Variants in SMYD3 observed in about 807,000 individuals in gnomAD.
SMYD3 encodes histone-lysine N-methyltransferase SMYD3.
SMYD3 carries 36 observed loss-of-function variants against 57.7 expected under a neutral mutation model. The observed-to-expected ratio is 0.62, with a 90% CI of 0.48 to 0.82. SMYD3 has a LOEUF of 0.82. Ranked by LOEUF, SMYD3 falls within the 40% of genes least tolerant of loss-of-function variation. The pLI, the probability that SMYD3 is intolerant of heterozygous loss-of-function variation, is 0.00. For synonymous variants in SMYD3, 211 were observed against 195.0 expected (o/e 1.08, Z -0.68); for missense variants, 515 against 538.8 (o/e 0.96, Z 0.44).
At chr1:246,362,466 C>T (rs1301787593) in intron 1 of SMYD3, among the ~76,000 whole-genome samples, 5 of 133,276 alleles carry the variant, frequency 3.8e-5, no homozygotes, top group East Asian at 4.1e-4. Context: ...TCCCTCTCCA[C>T]GGTCTCCCTC....
chr1:245,799,198 T>TG (rs2047735645), intron 10 of SMYD3, among the ~76,000 whole-genome samples: 1 of 152,188 alleles, frequency 6.6e-6, no homozygotes, highest in Non-Finnish European at 1.5e-5. Flanking sequence ...CAGCCTTCCC[T>TG]GGTCCTCCTA....
At chr1:245,953,775 CTTT>C (rs1305086547) in intron 5 of SMYD3, among the ~76,000 whole-genome samples, 1 of 152,146 alleles carries the variant, frequency 6.6e-6, no homozygotes, top group African/African-American at 2.4e-5. Flanking sequence ...CCCACATGTA[CTTT>C]CAAAAGTATG....
At chr1:246,259,452 G>T (rs2148517538) in intron 5 of SMYD3, among the ~76,000 whole-genome samples, 1 of 151,940 alleles carries the variant, frequency 6.6e-6, no homozygotes, top group Middle Eastern at 3.4e-3. Flanking sequence ...CTTCCTATGG[G>T]TATGACTACA....
intron 5 of SMYD3, among the ~76,000 whole-genome samples, chr1:246,265,259 A>G (rs546396900): frequency 6.6e-6 from 1 of 152,142 alleles, no homozygotes; most frequent in Admixed American, 6.5e-5. Context: ...CAGCCTCCCA[A>G]GTAGCTAGGA....
chr1:245,819,039 C>T (rs1166617141), intron 10 of SMYD3, among the ~76,000 whole-genome samples: 3 of 101,564 alleles, frequency 3.0e-5, no homozygotes, highest in South Asian at 4.4e-4. Flanking sequence ...CTGCACCAAG[C>T]GGACCTAATA....
At chr1:246,277,190 T>A (rs564258777) in intron 5 of SMYD3, among the ~76,000 whole-genome samples, 32 of 152,164 alleles carry the variant, frequency 2.1e-4, no homozygotes, top group Middle Eastern at 3.4e-3. Flanking sequence ...TTAGGCAACC[T>A]TGTTTCAAAA....
chr1:246,384,665 G>A (rs1363165471), intron 1 of SMYD3, among the ~76,000 whole-genome samples: 1 of 152,158 alleles, frequency 6.6e-6, no homozygotes, highest in Non-Finnish European at 1.5e-5. Context: ...CCAAAGTGCT[G>A]AGATTACAGG....
intron 9 of SMYD3, among the ~76,000 whole-genome samples, chr1:245,862,010 G>A (rs1016875592): frequency 1.3e-5 from 2 of 152,054 alleles, no homozygotes; most frequent in African/African-American, 4.8e-5. Context: ...CGCTGCCAGG[G>A]ACCACACAGA....
chr1:246,178,083 G>A (rs539223726), intron 5 of SMYD3, among the ~76,000 whole-genome samples: 1 of 152,322 alleles, frequency 6.6e-6, no homozygotes, highest in Admixed American at 6.5e-5. Flanking sequence ...CTTCTAATTA[G>A]ATGTAGTTAC....
intron 7 of SMYD3, among the ~76,000 whole-genome samples, chr1:245,926,329 CA>C (rs751969132): frequency 2.6e-5 from 4 of 152,204 alleles, no homozygotes; most frequent in Non-Finnish European, 5.9e-5. Flanking sequence ...GATGATGAAT[CA>C]GGGGAAACAC....
intron 1 of SMYD3, among the ~76,000 whole-genome samples, chr1:246,445,323 G>A (rs939224625): frequency 6.6e-6 from 1 of 152,146 alleles, no homozygotes; most frequent in Non-Finnish European, 1.5e-5. Context: ...TTTAGACTAT[G>A]AGTGAAAAGA....
At chr1:246,049,354 G>C (rs1398215534) in intron 5 of SMYD3, among the ~76,000 whole-genome samples, 1 of 151,994 alleles carries the variant, frequency 6.6e-6, no homozygotes, top group Non-Finnish European at 1.5e-5. Context: ...TGGAGTGCAG[G>C]GGTGCAACCT....
At chr1:246,074,844 G>A (rs1263658061) in intron 5 of SMYD3, among the ~76,000 whole-genome samples, 1 of 151,916 alleles carries the variant, frequency 6.6e-6, no homozygotes, top group African/African-American at 2.4e-5. Context: ...AGTGATTTCA[G>A]TTGCTGCCCT....
At chr1:246,270,432 T>C (rs2064199442) in intron 5 of SMYD3, among the ~76,000 whole-genome samples, 1 of 152,248 alleles carries the variant, frequency 6.6e-6, no homozygotes, top group African/African-American at 2.4e-5. Flanking sequence ...TCTTTTCATC[T>C]TGCAGAACTG....
intron 5 of SMYD3, among the ~76,000 whole-genome samples, chr1:246,151,508 C>T (rs939305385): frequency 5.3e-5 from 8 of 152,136 alleles, no homozygotes; most frequent in African/African-American, 1.9e-4. Flanking sequence ...ATGAGGATAA[C>T]AAACCTATGT....
rs188282249 is a variant in SMYD3, at chr1:246,215,146, A to C, written c.531+112055T>G. On this transcript the variant is annotated intron_variant, in intron 5 of 11. Coordinates refer to ENST00000490107, the MANE Select transcript of SMYD3 (RefSeq NM_001167740.2). ...CAGTTGCTGGCGGCTAGATATGCCTAAAGAGGATGTGAAACAGCAGCTTCA... is the reference window on the plus strand; with the variant it reads ...CAGTTGCTGGCGGCTAGATATGCCTCAAGAGGATGTGAAACAGCAGCTTCA... 5.3e-5 allele frequency among the ~76,000 whole-genome samples: 8 copies of C among 152,282 alleles called. No homozygotes were observed. In the East Asian group the frequency reaches 1.5e-3, roughly 29 times the overall value.
chr1:246,502,416 G>A (rs759829574), intron 1 of SMYD3, among the ~76,000 whole-genome samples: 6 of 152,148 alleles, frequency 3.9e-5, no homozygotes, highest in Non-Finnish European at 8.8e-5. Flanking sequence ...ACAGGCATGA[G>A]CCACCATGCC....
chr1:246,161,470 T>C (rs1016340540), intron 5 of SMYD3, among the ~76,000 whole-genome samples: 1 of 152,198 alleles, frequency 6.6e-6, no homozygotes, highest in Non-Finnish European at 1.5e-5. Flanking sequence ...TCAGGCCTCG[T>C]TTCTCCAGGA....
At chr1:246,264,348 T>G (rs1171158400) in intron 5 of SMYD3, among the ~76,000 whole-genome samples, 2 of 152,078 alleles carry the variant, frequency 1.3e-5, no homozygotes, top group Non-Finnish European at 2.9e-5. Flanking sequence ...ATATGGTAAT[T>G]GATTAAAACA....
Sources: allele counts gnomAD v4.1 joint callset (sites outside exome capture counted in the v4.1 genomes callset), GRCh38; gene constraint gnomAD v4.1.1; transcripts MANE v1.5; gene names NCBI Gene and HGNC (gene_info 2026-07-23, HGNC 2026-07-21).